Variants in CNTNAP2 observed in about 807,000 individuals in gnomAD.
CNTNAP2 encodes the protein contactin-associated protein-like 2.
CNTNAP2 carries 98 observed loss-of-function variants against 155.2 expected under a neutral mutation model. The observed-to-expected ratio is 0.63, with a 90% CI of 0.54 to 0.75. CNTNAP2 has a LOEUF of 0.75. Ranked by LOEUF, CNTNAP2 falls within the 30% of genes least tolerant of loss-of-function variation. The pLI, the probability that CNTNAP2 is intolerant of heterozygous loss-of-function variation, is 0.00. For synonymous variants in CNTNAP2, 651 were observed against 631.2 expected (o/e 1.03, Z -0.47); for missense variants, 1,727 against 1,688.1 (o/e 1.02, Z -0.40).
At chr7:147,171,657 C>A (rs1802229506) in intron 8 of CNTNAP2, among the ~76,000 whole-genome samples, 1 of 152,072 alleles carries the variant, frequency 6.6e-6, no homozygotes, top group Non-Finnish European at 1.5e-5. Flanking sequence ...TCGTGAAATA[C>A]CTCTGTAATA....
intron 21 of CNTNAP2, among the ~76,000 whole-genome samples, chr7:148,346,338 T>A (rs2116589566): frequency 6.6e-6 from 1 of 152,372 alleles, no homozygotes; most frequent in Admixed American, 6.5e-5. Flanking sequence ...GTTTCTTTTT[T>A]AAATGTGAAA....
At chr7:148,220,162 G>A (rs1057167895) in intron 19 of CNTNAP2, among the ~76,000 whole-genome samples, 2 of 152,208 alleles carry the variant, frequency 1.3e-5, no homozygotes, top group African/African-American at 4.8e-5. Context: ...GAGTGCAGTG[G>A]CATGATCTCG....
chr7:146,790,568 ATTT>A (rs11435256), intron 2 of CNTNAP2, among the ~76,000 whole-genome samples: 1 of 137,778 alleles, frequency 7.3e-6, no homozygotes, highest in Admixed American at 7.2e-5. Flanking sequence ...TTGGTCAGTG[ATTT>A]TTTTTTTTTT....
At chr7:147,146,216 A>T (rs1801698252) in intron 8 of CNTNAP2, 1 of 152,532 alleles carries the variant, frequency 6.6e-6, no homozygotes. Context: ...CTAGGGGCTC[A>T]TTCTGCACTT....
At chr7:148,360,763 T>C (rs577367159) in intron 21 of CNTNAP2, among the ~76,000 whole-genome samples, 1 of 152,214 alleles carries the variant, frequency 6.6e-6, no homozygotes, top group Admixed American at 6.5e-5. Context: ...TAAATTCAGA[T>C]GAGTAAAAAG....
intron 3 of CNTNAP2, among the ~76,000 whole-genome samples, chr7:147,031,018 AT>A (rs1310969843): frequency 6.6e-6 from 1 of 152,188 alleles, no homozygotes; most frequent in East Asian, 1.9e-4. Context: ...GAAGATGAGT[AT>A]ATTATTTACC....
rs1804730058 is a variant in CNTNAP2, at chr7:148,127,017, A to AT, written c.2554+8733dup. Reference sequence around the variant, plus strand: ...ATTTTTGTTTAACAATTTAAAAGAGATTTTAGTCTGGGCACGGTGGCTCAT... The same window carrying AT: ...ATTTTTGTTTAACAATTTAAAAGAGATTTTTAGTCTGGGCACGGTGGCTCAT... On this transcript the variant is annotated intron_variant, in intron 16 of 23. Transcript: ENST00000361727. Among the ~76,000 whole-genome samples the AT allele has an allele frequency of 3.3e-5, 5 of 152,164 alleles. No homozygotes were observed. In the South Asian group the frequency reaches 1.0e-3, roughly 32 times the overall value.
At chr7:146,966,072 G>A (rs1327011820) in intron 3 of CNTNAP2, among the ~76,000 whole-genome samples, 2 of 152,168 alleles carry the variant, frequency 1.3e-5, no homozygotes, top group African/African-American at 2.4e-5. Context: ...GCTCCACAGT[G>A]GTGCTCCTTG....
At chr7:146,943,362 T>A (rs1039980028) in intron 3 of CNTNAP2, among the ~76,000 whole-genome samples, 4 of 152,044 alleles carry the variant, frequency 2.6e-5, no homozygotes, top group Non-Finnish European at 5.9e-5. Context: ...TGTGGTGGCA[T>A]GCACCTGGAA....
At chr7:146,509,744 C>T (rs1199148815) in intron 1 of CNTNAP2, among the ~76,000 whole-genome samples, 1 of 152,106 alleles carries the variant, frequency 6.6e-6, no homozygotes, top group South Asian at 2.1e-4. Context: ...CCTGGAGGTC[C>T]CTTACCTGTG....
intron 1 of CNTNAP2, among the ~76,000 whole-genome samples, chr7:146,394,381 C>A (rs1795589568): frequency 1.3e-5 from 2 of 152,108 alleles, no homozygotes; most frequent in Non-Finnish European, 1.5e-5. Flanking sequence ...GCAGCTGGAT[C>A]AGATTGCAAG....
intron 1 of CNTNAP2, among the ~76,000 whole-genome samples, chr7:146,213,373 C>T (rs1799065424): frequency 6.6e-6 from 1 of 152,116 alleles, no homozygotes; most frequent in African/African-American, 2.4e-5. Context: ...ATCATGGAAA[C>T]ATTAGTGTTG....
At chr7:148,407,401 G>A (rs1799727221) in intron 22 of CNTNAP2, among the ~76,000 whole-genome samples, 1 of 152,044 alleles carries the variant, frequency 6.6e-6, no homozygotes, top group South Asian at 2.1e-4. Context: ...CTAGCTAACT[G>A]GATTTAGGAT....
At chr7:147,282,741 A>G (rs1209127391) in intron 8 of CNTNAP2, among the ~76,000 whole-genome samples, 4 of 151,794 alleles carry the variant, frequency 2.6e-5, no homozygotes, top group Non-Finnish European at 5.9e-5. Flanking sequence ...TATTTTTATT[A>G]TTAATTTATT....
At chr7:146,961,016 A>G (rs1459141427) in intron 3 of CNTNAP2, among the ~76,000 whole-genome samples, 2 of 152,188 alleles carry the variant, frequency 1.3e-5, no homozygotes, top group African/African-American at 4.8e-5. Flanking sequence ...TGGGCTTTGC[A>G]TTTAGAATGA....
At chr7:148,402,831 G>T (rs947283162) in intron 22 of CNTNAP2, among the ~76,000 whole-genome samples, 2 of 151,980 alleles carry the variant, frequency 1.3e-5, no homozygotes, top group Admixed American at 1.3e-4. Context: ...TGTCAGATAT[G>T]ATCTAATTTT....
At chr7:147,621,412 A>G (rs900157135) in intron 12 of CNTNAP2, among the ~76,000 whole-genome samples, 1 of 152,150 alleles carries the variant, frequency 6.6e-6, no homozygotes, top group Non-Finnish European at 1.5e-5. Context: ...AATAAAAAAT[A>G]AAAAGTACAA....
At chr7:146,196,597 A>G (rs1425773138) in intron 1 of CNTNAP2, among the ~76,000 whole-genome samples, 1 of 150,114 alleles carries the variant, frequency 6.7e-6, no homozygotes, top group African/African-American at 2.4e-5. Flanking sequence ...GAGAGAGAGA[A>G]AGAGAAAGAG....
chr7:146,853,105 A>C (rs763184206), intron 3 of CNTNAP2, among the ~76,000 whole-genome samples: 13 of 151,896 alleles, frequency 8.6e-5, no homozygotes, highest in Non-Finnish European at 1.6e-4. Context: ...ATACAAAAGA[A>C]ACGTCCAGTC....
Sources: gnomAD v4.1 joint callset for allele counts (sites outside exome capture counted in the v4.1 genomes callset) on GRCh38, gnomAD v4.1.1 for gene constraint, MANE v1.5 for transcripts, NCBI Gene and HGNC (gene_info 2026-07-23, HGNC 2026-07-21) for gene names.